The following CDR2 variants were observed in gnomAD, a reference collection of about 807,000 sequenced individuals.
The protein encoded by CDR2 is cerebellar degeneration-related protein 2.
A neutral mutation model predicts 48.4 loss-of-function variants in CDR2; 34 were observed. That is an observed-to-expected ratio of 0.70 (90% CI 0.53 to 0.94). CDR2 has a LOEUF of 0.94. CDR2 is among the 40% of genes least tolerant of loss of function. The pLI is 0.00. For missense variants in CDR2, 498 were observed against 549.5 expected, an observed-to-expected ratio of 0.91 and a Z score of 0.94; for synonymous variants, 240 against 219.7, an observed-to-expected ratio of 1.09 and a Z score of -0.82.
intron 2 of CDR2, among the ~76,000 whole-genome samples, chr16:22,350,211 G>C (rs1181392791): frequency 1.3e-5 from 2 of 151,788 alleles, no homozygotes; most frequent in African/African-American, 4.8e-5. Flanking sequence ...AAAGATACCT[G>C]CTGTTCTGCT....
At chr16:22,354,726 T>TAA (rs755319252) in intron 2 of CDR2, among the ~76,000 whole-genome samples, 10 of 132,244 alleles carry the variant, frequency 7.6e-5, no homozygotes, top group African/African-American at 2.0e-4. Context: ...CATCTCTACT[T>TAA]AAAAAAAAAA....
chr16:22,365,274 A>G, intron 1 of CDR2: 1 of 322,214 alleles, frequency 3.1e-6, no homozygotes, highest in Middle Eastern at 9.0e-4. Flanking sequence ...TTGTTCAGGA[A>G]TGATCATTCC....
intron 1 of CDR2, among the ~76,000 whole-genome samples, chr16:22,366,460 TAA>T (rs2049045192): frequency 6.6e-6 from 1 of 152,062 alleles, no homozygotes; most frequent in African/African-American, 2.4e-5. Context: ...GGCTGAAATT[TAA>T]GAACATGTGA....
intron 2 of CDR2, among the ~76,000 whole-genome samples, chr16:22,351,911 T>C (rs1266236410): frequency 6.6e-6 from 1 of 152,166 alleles, no homozygotes; most frequent in African/African-American, 2.4e-5. Flanking sequence ...GTTTGAAGCT[T>C]ACTGATGATC....
chr16:22,348,080 G>C (rs1265257727), intron 4 of CDR2, among the ~76,000 whole-genome samples: 3 of 152,126 alleles, frequency 2.0e-5, no homozygotes, highest in African/African-American at 7.2e-5. Context: ...TGGGATTTTA[G>C]ACATGCGCCA....
intron 2 of CDR2, among the ~76,000 whole-genome samples, chr16:22,363,884 C>T (rs8047588): frequency 0.053 from 8,062 of 152,100 alleles, 693 homozygotes; most frequent in African/African-American, 0.18. Flanking sequence ...ATTTTAATGC[C>T]CTAGTCTAGC....
chr16:22,374,195 G>A (rs990375449), intron 1 of CDR2, 36 bp downstream of exon 1: 14 of 1,469,244 alleles, frequency 9.5e-6, no homozygotes, highest in Non-Finnish European at 1.3e-5. Flanking sequence ...TCCCGGGCCA[G>A]GCCGCCGCCC....
chr16:22,350,005 AT>A (rs1379505227), intron 2 of CDR2, among the ~76,000 whole-genome samples, 156 bp from the exon 3 acceptor site: 5 of 152,070 alleles, frequency 3.3e-5, no homozygotes, highest in African/African-American at 1.2e-4. Context: ...CCTGACCAAC[AT>A]GCTGAAACCC....
chr16:22,358,371 G>C (rs2048989840), intron 2 of CDR2, among the ~76,000 whole-genome samples: 1 of 152,048 alleles, frequency 6.6e-6, no homozygotes, highest in South Asian at 2.1e-4. Context: ...AAATGCCTTG[G>C]GTTTATCTCA....
intron 2 of CDR2, 114 bp from the exon 3 acceptor site, chr16:22,349,963 T>A: frequency 4.6e-6 from 4 of 877,766 alleles, no homozygotes; most frequent in Non-Finnish European, 7.2e-6. Flanking sequence ...CCAAGACGTG[T>A]GGATCACCTG....
At chr16:22,353,333 A>C (rs1374555957) in intron 2 of CDR2, among the ~76,000 whole-genome samples, 1 of 152,190 alleles carries the variant, frequency 6.6e-6, no homozygotes, top group Non-Finnish European at 1.5e-5. Context: ...ATAGTAGCTA[A>C]GAGCACAGGC....
rs751267879 is a variant in CDR2, at chr16:22,349,323, C to T, written c.462G>A (p.Pro154=). The change falls in exon 4 of 5, where the codon CCG becomes CCA. Residue 154 remains proline, a synonymous_variant. Transcript: ENST00000268383. ...RSPGKCDQEK[P]APSFACLKEL... ...CCTTCAGACATGCAAAGCTGGGTGC[C>T]GGTTTCTCCTGGTCACACTTTCCCG... The T allele has an allele frequency of 9.9e-6, 16 of 1,614,132 alleles. No individual in the cohort carries two copies. Among genetic ancestry groups the T allele is most frequent in the Middle Eastern group, 1.6e-4 (1 of 6,062 alleles).
chr16:22,371,351 T>C (rs1259105442), intron 1 of CDR2, among the ~76,000 whole-genome samples: 9 of 152,224 alleles, frequency 5.9e-5, no homozygotes, highest in Non-Finnish European at 1.2e-4. Context: ...AGGACAGACC[T>C]GCTCCCAAAC....
chr16:22,374,253 G>C lies in CDR2; in HGVS notation c.57C>G (p.Tyr19Ter). ...CACCTTGCTGGAGGTCCTGGTGGTC[G>C]TACCACGGCTCGTCCTCCTTCATCT... ...EFEMKEDEPW[Y>*]DHQDLQQDLQ... The change falls in exon 1 of 5, where the codon TAC (tyrosine) becomes TAG (stop). Residue 19 changes from tyrosine to a stop codon, truncating the protein, a stop_gained. Transcript: ENST00000268383. LOFTEE classifies it high-confidence loss of function. The C allele has an allele frequency of 6.2e-7, 1 of 1,602,196 alleles. No individual in the cohort carries two copies.
At chr16:22,356,161 A>G (rs2048972917) in intron 2 of CDR2, among the ~76,000 whole-genome samples, 1 of 152,244 alleles carries the variant, frequency 6.6e-6, no homozygotes, top group Admixed American at 6.5e-5. Context: ...AATATTTGAC[A>G]GGTATTTCAT....
chr16:22,361,932 C>T lies in CDR2; in HGVS notation c.192+2970G>A, dbSNP rs1432457752. 9.1e-5 allele frequency among the ~76,000 whole-genome samples: 12 copies of T among 131,916 alleles called. No individual in the cohort carries two copies. In the East Asian group the frequency reaches 2.2e-3, roughly 25 times the overall value. 86.5% of individuals were successfully genotyped at this position (131,916 alleles called of 152,430 possible). On this transcript the variant is annotated intron_variant, in intron 2 of 4. Transcript: ENST00000268383. ...TTTTTTTTTTTTTGAGATGGAGTCT[C>T]GCTCTGTCACCCAGGCTGGAGTGCA...
chr16:22,347,873 G>A (rs2048918100), intron 4 of CDR2, 50 bp from the exon 5 acceptor site: 3 of 1,498,846 alleles, frequency 2.0e-6, no homozygotes, highest in Non-Finnish European at 2.7e-6. Flanking sequence ...CACTGAAAAT[G>A]ACGAGAGGAA....
chr16:22,356,991 G>A (rs1015284778), intron 2 of CDR2, among the ~76,000 whole-genome samples: 9 of 150,548 alleles, frequency 6.0e-5, no homozygotes, highest in African/African-American at 2.2e-4. Flanking sequence ...CTTAAAGCAG[G>A]TCTAAAGCGG....
chr16:22,356,102 T>G (rs576824883), intron 2 of CDR2, among the ~76,000 whole-genome samples: 1 of 152,224 alleles, frequency 6.6e-6, no homozygotes, highest in Non-Finnish European at 1.5e-5. Flanking sequence ...GATCTTGTTA[T>G]TAAATATGTT....
Sources: allele counts gnomAD v4.1 joint callset (sites outside exome capture counted in the v4.1 genomes callset), GRCh38; gene constraint gnomAD v4.1.1; transcripts MANE v1.5; gene names NCBI Gene and HGNC (gene_info 2026-07-23, HGNC 2026-07-21).